The following WDR72 variants were observed in gnomAD, a reference collection of about 807,000 sequenced individuals.
WDR72 encodes the protein WD repeat-containing protein 72.
A neutral mutation model predicts 124.2 loss-of-function variants in WDR72; 120 were observed. The observed-to-expected ratio is 0.97, with a 90% CI of 0.83 to 1.12. The LOEUF (loss-of-function observed/expected upper bound fraction) is 1.12, where lower values mean the gene tolerates loss of function less well. WDR72 is among the 50% of genes most tolerant of loss of function. The probability of loss-of-function intolerance (pLI) is 0.00; values close to 1 mark genes in which losing one functional copy is unlikely to be tolerated. For missense variants in WDR72, 1,387 were observed against 1,278.8 expected, an observed-to-expected ratio of 1.08 and a Z score of -1.29; for synonymous variants, 452 against 441.7, an observed-to-expected ratio of 1.02 and a Z score of -0.29.
At chr15:53,724,328 G>A (rs2017959046) in intron 2 of WDR72, among the ~76,000 whole-genome samples, 1 of 151,588 alleles carries the variant, frequency 6.6e-6, no homozygotes, top group Admixed American at 6.6e-5. Context: ...ATTATGTGAG[G>A]TGATAGATGT....
intron 18 of WDR72, among the ~76,000 whole-genome samples, chr15:53,532,306 A>C (rs573202505): frequency 1.3e-5 from 2 of 152,162 alleles, no homozygotes; most frequent in Non-Finnish European, 2.9e-5. Context: ...TGTCCAAAAC[A>C]AAGGAAATCA....
chr15:53,750,155 A>G (rs1299000999), intron 1 of WDR72, among the ~76,000 whole-genome samples: 2 of 152,156 alleles, frequency 1.3e-5, no homozygotes, highest in Admixed American at 6.5e-5. Context: ...TAGAATGGAG[A>G]AGTCAATGCC....
At chr15:53,531,814 G>C (rs762022456) in intron 18 of WDR72, among the ~76,000 whole-genome samples, 1 of 151,960 alleles carries the variant, frequency 6.6e-6, no homozygotes, top group Non-Finnish European at 1.5e-5. Flanking sequence ...TTCTAGATAA[G>C]ACAGTTTCCT....
intron 18 of WDR72, among the ~76,000 whole-genome samples, chr15:53,528,232 A>G (rs887556401): frequency 6.6e-6 from 1 of 152,110 alleles, no homozygotes; most frequent in Non-Finnish European, 1.5e-5. Context: ...AGCTGTGTAC[A>G]CATCACCCTT....
At chr15:53,725,976 GC>G (rs1324214638) in intron 2 of WDR72, among the ~76,000 whole-genome samples, 1 of 151,700 alleles carries the variant, frequency 6.6e-6, no homozygotes, top group African/African-American at 2.4e-5. Context: ...GGAGGCTGAG[GC>G]AGTAGATTTG....
At chr15:53,627,039 G>C (rs2014239196) in intron 14 of WDR72, among the ~76,000 whole-genome samples, 1 of 152,066 alleles carries the variant, frequency 6.6e-6, no homozygotes, top group Non-Finnish European at 1.5e-5. Context: ...GAAGAATTTA[G>C]AAATTGTCTG....
At position 53,711,407 on chromosome 15, in the gene WDR72, T is replaced by G. The variant is rs2017534250; in HGVS notation, c.786A>C (p.Glu262Asp). The G allele has an allele frequency of 6.2e-7, 1 of 1,614,014 alleles. No homozygotes were observed. The highest frequency in any genetic ancestry group is 1.3e-5 in the African/African-American group (1 of 74,908). The change falls in exon 8 of 20, where the codon GAA (glutamate) becomes GAC (aspartate). Residue 262 changes from glutamate to aspartate, a missense_variant. Physicochemically the swap from Glu to Asp is conservative, Grantham distance 45. Coordinates refer to ENST00000360509, the MANE Select transcript of WDR72 (RefSeq NM_182758.4). The stretch of plus-strand genomic sequence containing the variant: ...TGAGGATTCTGTGAGCAGCAATCAC[T>G]TCTCCACCAGCAAAGAACTGCCCAT... ...SRNGQFFAGG[E>D]VIAAHRILIW...
At chr15:53,558,557 A>G (rs928306870) in intron 18 of WDR72, among the ~76,000 whole-genome samples, 4 of 152,036 alleles carry the variant, frequency 2.6e-5, no homozygotes, top group South Asian at 2.1e-4. Context: ...AGCAAAGATT[A>G]TTTGATTATG....
intron 13 of WDR72, among the ~76,000 whole-genome samples, chr15:53,688,668 C>G (rs887310132): frequency 3.9e-5 from 6 of 152,068 alleles, no homozygotes; most frequent in Admixed American, 3.9e-4. Flanking sequence ...CAATGCCATC[C>G]CCATCAAGCT....
chr15:53,592,794 T>C (rs2012572478), intron 18 of WDR72, among the ~76,000 whole-genome samples: 1 of 150,124 alleles, frequency 6.7e-6, no homozygotes, highest in African/African-American at 2.5e-5. Context: ...TAAAGGGAAA[T>C]AACTTTCAAA....
At chr15:53,726,252 A>ATG (rs1409191466) in intron 2 of WDR72, among the ~76,000 whole-genome samples, 1 of 91,530 alleles carries the variant, frequency 1.1e-5, no homozygotes, top group Non-Finnish European at 2.2e-5. Flanking sequence ...GTGTATATAT[A>ATG]TATGTATGTG....
intron 18 of WDR72, among the ~76,000 whole-genome samples, chr15:53,558,921 A>G (rs1595759918): frequency 6.6e-6 from 1 of 152,092 alleles, no homozygotes; most frequent in East Asian, 2.0e-4. Context: ...TAAAAATGGG[A>G]CATTCTATTT....
intron 18 of WDR72, among the ~76,000 whole-genome samples, chr15:53,533,238 A>G (rs1005858856): frequency 3.3e-5 from 5 of 152,164 alleles, no homozygotes; most frequent in Admixed American, 6.5e-5. Flanking sequence ...GTTTATTTAT[A>G]TAAGAGTATC....
chr15:53,751,797 G>C (rs2018781252), intron 1 of WDR72, among the ~76,000 whole-genome samples: 1 of 152,150 alleles, frequency 6.6e-6, no homozygotes, highest in African/African-American at 2.4e-5. Flanking sequence ...CCTCCAGTCA[G>C]TGAGCCTGGA....
chr15:53,741,848 C>T (rs887529442), intron 1 of WDR72, among the ~76,000 whole-genome samples: 1 of 152,052 alleles, frequency 6.6e-6, no homozygotes. Flanking sequence ...CTGTCTCAGC[C>T]TCCCGAGTAG....
chr15:53,726,171 G>A (rs1046796749), intron 2 of WDR72, among the ~76,000 whole-genome samples: 6 of 128,268 alleles, frequency 4.7e-5, no homozygotes, highest in Admixed American at 3.5e-4. Context: ...TAAGTTAATT[G>A]GTTGTAATAT....
Position 53,699,817 on chromosome 15 carries a change from G to A in WDR72, c.1698C>T (p.His566=). The A allele has an allele frequency of 2.5e-6, 4 of 1,614,006 alleles. No individual in the cohort carries two copies. Among genetic ancestry groups the A allele is most frequent in the Non-Finnish European group, 3.4e-6 (4 of 1,180,016 alleles). Reference sequence around the variant, plus strand: ...CAACAATTAAAAAATTCTCAACCGGGTGCCATTTTATCATCCTCACAGGAA... The same window carrying A: ...CAACAATTAAAAAATTCTCAACCGGATGCCATTTTATCATCCTCACAGGAA... ...HLFPVRMIKW[H]PVENFLIVGC... The change falls in exon 13 of 20, where the codon CAC becomes CAT. Residue 566 remains histidine, a synonymous_variant. Transcript: ENST00000360509.
chr15:53,716,540 G>T, intron 4 of WDR72, 67 bp downstream of exon 4: 1 of 1,013,614 alleles, frequency 9.9e-7, no homozygotes, highest in Admixed American at 1.7e-5. Flanking sequence ...CTTTAGAAGT[G>T]TATTTGCAAA....
At chr15:53,679,736 G>A (rs570133575) in intron 13 of WDR72, among the ~76,000 whole-genome samples, 6 of 152,174 alleles carry the variant, frequency 3.9e-5, no homozygotes, top group Non-Finnish European at 7.3e-5. Flanking sequence ...CATTTTGTAG[G>A]AAACCACCAG....
Sources: gnomAD v4.1 joint callset for allele counts (sites outside exome capture counted in the v4.1 genomes callset) on GRCh38, gnomAD v4.1.1 for gene constraint, MANE v1.5 for transcripts, NCBI Gene and HGNC (gene_info 2026-07-23, HGNC 2026-07-21) for gene names.